The following KIAA0319L variants were observed in gnomAD, a reference collection of about 807,000 sequenced individuals.
KIAA0319L encodes dyslexia-associated protein KIAA0319-like protein.
Under a neutral mutation model 120.1 loss-of-function variants are expected in KIAA0319L, and 55 were observed. The ratio of observed to expected loss-of-function variants is 0.46; its 90% CI spans 0.37 to 0.57. The LOEUF (loss-of-function observed/expected upper bound fraction) is 0.57. KIAA0319L is among the 20% of genes least tolerant of loss of function. The pLI is 0.00. For synonymous variants in KIAA0319L, 398 were observed against 471.9 expected (o/e 0.84, Z 2.03); for missense variants, 1,049 against 1,255.3 (o/e 0.84, Z 2.48).
At chr1:35,466,765 C>A in intron 6 of KIAA0319L, 70 bp from the exon 7 acceptor site, 1 of 1,077,220 alleles carries the variant, frequency 9.3e-7, no homozygotes. Flanking sequence ...TAAGATATAT[C>A]TGAACTTTCC....
intron 1 of KIAA0319L, among the ~76,000 whole-genome samples, chr1:35,556,017 G>C (rs577968302): frequency 1.3e-5 from 2 of 152,266 alleles, no homozygotes; most frequent in African/African-American, 2.4e-5. Context: ...TCACTGCTAG[G>C]GTCCAGTTAA....
chr1:35,493,843 TCAAACAAA>T (rs147277273), intron 3 of KIAA0319L, among the ~76,000 whole-genome samples: 4,099 of 151,800 alleles, frequency 0.027, 191 homozygotes, highest in African/African-American at 0.091. Context: ...AGACCCTATC[TCAAACAAA>T]CAAACAAACA....
intron 3 of KIAA0319L, among the ~76,000 whole-genome samples, chr1:35,492,711 C>T (rs1425030133): frequency 2.0e-5 from 3 of 151,970 alleles, no homozygotes; most frequent in Non-Finnish European, 4.4e-5. Context: ...CTGATAAAAA[C>T]TCACATCAAA....
chr1:35,475,627 C>CA (rs1159447367), intron 4 of KIAA0319L, among the ~76,000 whole-genome samples: 1 of 152,122 alleles, frequency 6.6e-6, no homozygotes, highest in African/African-American at 2.4e-5. Context: ...AGGCATGCAC[C>CA]ACCACGCCCA....
intron 6 of KIAA0319L, among the ~76,000 whole-genome samples, chr1:35,467,545 G>A (rs980249002): frequency 1.3e-5 from 2 of 152,116 alleles, no homozygotes; most frequent in African/African-American, 4.8e-5. Flanking sequence ...GTTTGGATAC[G>A]AATAAGGTAA....
chr1:35,556,768 T>C (rs1195992797), intron 1 of KIAA0319L: 2 of 152,262 alleles, frequency 1.3e-5, no homozygotes, highest in South Asian at 2.1e-4. Context: ...CTGTGGGGCA[T>C]AATTTTCAAA....
intron 3 of KIAA0319L, among the ~76,000 whole-genome samples, chr1:35,488,696 C>G (rs1644477529): frequency 6.6e-6 from 1 of 152,112 alleles, no homozygotes; most frequent in Non-Finnish European, 1.5e-5. Context: ...AAGGAATCAT[C>G]AGGAAGAAGG....
At chr1:35,459,450 A>G (rs997241246) in intron 9 of KIAA0319L, among the ~76,000 whole-genome samples, 2 of 151,970 alleles carry the variant, frequency 1.3e-5, no homozygotes, top group Non-Finnish European at 2.9e-5. Context: ...CAAAAAAATT[A>G]GCCGGGCGTG....
intron 2 of KIAA0319L, among the ~76,000 whole-genome samples, chr1:35,525,814 G>A (rs771368852): frequency 6.6e-6 from 1 of 152,084 alleles, no homozygotes; most frequent in Non-Finnish European, 1.5e-5. Flanking sequence ...TGTTTCATTT[G>A]CTGTGCAGAA....
intron 11 of KIAA0319L, 81 bp downstream of exon 11, chr1:35,454,281 G>T: frequency 6.6e-7 from 1 of 1,505,356 alleles, no homozygotes; most frequent in Non-Finnish European, 9.2e-7. Context: ...CCCTCATACA[G>T]CTCAGAACCC....
chr1:35,435,131 G>C (rs1640680507), intron 20 of KIAA0319L, 50 bp from the exon 21 acceptor site: 1 of 1,546,134 alleles, frequency 6.5e-7, no homozygotes, highest in Non-Finnish European at 8.9e-7. Context: ...CTCAAGGCTG[G>C]AGCCACCCCC....
At chr1:35,509,177 G>A (rs772858306) in intron 2 of KIAA0319L, among the ~76,000 whole-genome samples, 2 of 152,092 alleles carry the variant, frequency 1.3e-5, no homozygotes, top group Non-Finnish European at 2.9e-5. Flanking sequence ...GGAGTTCAGG[G>A]TGACTGGTAG....
Position 35,450,018 on chromosome 1 carries a change from A to G in KIAA0319L, c.2215-13T>C. The G allele has an allele frequency of 6.2e-7, 1 of 1,614,038 alleles. No individual in the cohort carries two copies. The highest frequency in any genetic ancestry group is 8.5e-7 in the Non-Finnish European group (1 of 1,179,902). ...GATTTAACACCTCCTGTAGGGTTGA[A>G]CAACATGGCTATGTTACAGAACAAA... is the stretch of plus-strand genomic sequence containing the variant. On this transcript the variant is annotated splice_polypyrimidine_tract_variant and intron_variant, in intron 14 of 20. Coordinates refer to ENST00000325722, the MANE Select transcript of KIAA0319L (RefSeq NM_024874.5).
chr1:35,533,490 AT>A (rs1372977933), intron 2 of KIAA0319L: 15 of 152,246 alleles, frequency 9.9e-5, no homozygotes, highest in Admixed American at 3.9e-4. Context: ...AAAATTTGCA[AT>A]TAATATTTAC....
intron 2 of KIAA0319L, among the ~76,000 whole-genome samples, chr1:35,523,202 T>G (rs1645996266): frequency 6.6e-6 from 1 of 151,962 alleles, no homozygotes. Context: ...CCTAGAACTC[T>G]CTTGACTCCT....
chr1:35,531,245 C>T (rs1282698105), intron 2 of KIAA0319L, among the ~76,000 whole-genome samples: 1 of 152,228 alleles, frequency 6.6e-6, no homozygotes, highest in African/African-American at 2.4e-5. Flanking sequence ...GGGGAGCTTG[C>T]ACTTTGGCAC....
In KIAA0319L at chr1:35,523,904, GT is replaced by G. The variant is rs368340103; in HGVS notation, c.143-16770del. Among the ~76,000 whole-genome samples the G allele has an allele frequency of 3.9e-3, 590 of 152,330 alleles. 3 individuals carry two copies. The highest frequency in any genetic ancestry group is 0.014 in the African/African-American group (563 of 41,574). ...AATGGATTCTAGTCACAGTTTAAAA[GT>G]TGGGAGGGGAGGGAGAGTTAAGTGC... On this transcript the variant is annotated intron_variant, in intron 2 of 20. Coordinates refer to ENST00000325722, the MANE Select transcript of KIAA0319L (RefSeq NM_024874.5).
At chr1:35,491,412 C>T (rs1332963047) in intron 3 of KIAA0319L, among the ~76,000 whole-genome samples, 2 of 152,034 alleles carry the variant, frequency 1.3e-5, no homozygotes, top group African/African-American at 4.8e-5. Flanking sequence ...ATAATCAAAT[C>T]GCTTAAAACA....
At chr1:35,491,239 G>A (rs1644581480) in intron 3 of KIAA0319L, among the ~76,000 whole-genome samples, 1 of 152,170 alleles carries the variant, frequency 6.6e-6, no homozygotes, top group African/African-American at 2.4e-5. Flanking sequence ...AGCAAACTGT[G>A]AAATAAATTC....
Sources: allele counts gnomAD v4.1 joint callset (sites outside exome capture counted in the v4.1 genomes callset), GRCh38; gene constraint gnomAD v4.1.1; transcripts MANE v1.5; gene names NCBI Gene and HGNC (gene_info 2026-07-23, HGNC 2026-07-21).